The following PRPSAP2 variants were observed in gnomAD, a reference collection of about 807,000 sequenced individuals.
PRPSAP2 encodes phosphoribosyl pyrophosphate synthase-associated protein 2.
In PRPSAP2, 24 loss-of-function variants were observed where a neutral mutation model predicts 40.6. The ratio of observed to expected loss-of-function variants is 0.59; its 90% CI spans 0.43 to 0.83. The LOEUF is 0.83. Among genes scored for constraint, PRPSAP2 ranks in the 40% least tolerant of loss-of-function variants. The pLI is 0.00. For synonymous variants in PRPSAP2, 149 were observed against 164.7 expected, an observed-to-expected ratio of 0.90 and a Z score of 0.73; for missense variants, 292 against 465.6, an observed-to-expected ratio of 0.63 and a Z score of 3.43.
intron 9 of PRPSAP2, among the ~76,000 whole-genome samples, chr17:18,915,908 C>T (rs1033609924): frequency 1.3e-5 from 2 of 151,946 alleles, no homozygotes; most frequent in African/African-American, 4.8e-5. Flanking sequence ...CAAGCTCCAC[C>T]TCCTGGGTTC....
At chr17:18,877,060 G>A (rs920884734) in intron 5 of PRPSAP2, among the ~76,000 whole-genome samples, 1 of 152,164 alleles carries the variant, frequency 6.6e-6, no homozygotes, top group African/African-American at 2.4e-5. Context: ...GTGAGGCTGG[G>A]GAGAAGAGGA....
intron 10 of PRPSAP2, among the ~76,000 whole-genome samples, chr17:18,926,542 C>T (rs1206143522): frequency 1.3e-5 from 2 of 152,182 alleles, no homozygotes; most frequent in Admixed American, 1.3e-4. Context: ...GCTGGGATTA[C>T]AGGCGCAAGC....
At position 18,929,078 on chromosome 17, in the gene PRPSAP2, T is replaced by C. The variant is rs118057583; in HGVS notation, c.951+121T>C. 6.2e-4 allele frequency: 873 copies of C among 1,397,708 alleles called. 9 individuals are homozygous for C. In the East Asian group the frequency reaches 0.02, roughly 32 times the overall value. 86.6% of individuals were successfully genotyped at this position (1,397,708 alleles called of 1,614,324 possible). A position where few individuals can be genotyped will look rare whatever the true frequency, so the allele number is the denominator to read the frequency against. On this transcript the variant is annotated intron_variant, in intron 11 of 11. Coordinates refer to ENST00000268835, the MANE Select transcript of PRPSAP2 (RefSeq NM_002767.4). ...TGTGGCTGAGAAACGATTCAAGGGC[T>C]GGGTGCAGTGGTTCACGCCTGTAAT...
chr17:18,869,657 A>G lies in PRPSAP2; in HGVS notation c.172+2323A>G, dbSNP rs1473897229. Among the ~76,000 whole-genome samples the G allele has an allele frequency of 2.1e-5, 3 of 146,276 alleles. No individual in the cohort carries two copies. The East Asian group carries it at 6.1e-4, about 30-fold the overall frequency. On this transcript the variant is annotated intron_variant, in intron 4 of 11. Coordinates refer to ENST00000268835, the MANE Select transcript of PRPSAP2 (RefSeq NM_002767.4). Reference sequence around the variant, plus strand: ...TGCTGGGATTACAGGTGTGAGCTACACACACACACCCAGCCATAATTTTTT... The same window carrying G: ...TGCTGGGATTACAGGTGTGAGCTACGCACACACACCCAGCCATAATTTTTT...
chr17:18,925,423 C>T (rs1030708439), intron 10 of PRPSAP2, among the ~76,000 whole-genome samples: 3 of 152,078 alleles, frequency 2.0e-5, no homozygotes, highest in Non-Finnish European at 2.9e-5. Flanking sequence ...GCCTTTTTTT[C>T]TTGTCTTTGA....
At chr17:18,912,136 C>T (rs549372146) in intron 9 of PRPSAP2, among the ~76,000 whole-genome samples, 3 of 151,044 alleles carry the variant, frequency 2.0e-5, no homozygotes, top group South Asian at 4.2e-4. Context: ...GAGCCGAGAT[C>T]GCGCCATTGC....
chr17:18,908,425 G>A (rs1435887149), intron 8 of PRPSAP2: 6 of 758,050 alleles, frequency 7.9e-6, no homozygotes, highest in Admixed American at 3.6e-5. Context: ...AAATGCAGAC[G>A]AAACTGTTCT....
intron 9 of PRPSAP2, among the ~76,000 whole-genome samples, chr17:18,917,047 T>C (rs916337072): frequency 6.6e-6 from 1 of 152,084 alleles, no homozygotes; most frequent in African/African-American, 2.4e-5. Context: ...GTAGTTGGGT[T>C]GGGGTGGTAG....
At chr17:18,913,541 C>CTTTTTT (rs35697920) in intron 9 of PRPSAP2, among the ~76,000 whole-genome samples, 30 of 73,956 alleles carry the variant, frequency 4.1e-4, no homozygotes, top group African/African-American at 5.0e-4. Flanking sequence ...GCGTCTGGTT[C>CTTTTTT]TTTTTTTTTT....
intron 5 of PRPSAP2, among the ~76,000 whole-genome samples, chr17:18,877,358 T>C (rs2038374319): frequency 6.6e-6 from 1 of 152,080 alleles, no homozygotes; most frequent in African/African-American, 2.4e-5. Context: ...GAGAATTCCT[T>C]ACATAGGTGT....
intron 6 of PRPSAP2, among the ~76,000 whole-genome samples, chr17:18,880,033 T>A (rs910101351): frequency 1.4e-4 from 21 of 151,600 alleles, no homozygotes; most frequent in Non-Finnish European, 4.4e-5. Context: ...GAGGTGGAGG[T>A]TGTGGTGAAC....
intron 4 of PRPSAP2, among the ~76,000 whole-genome samples, chr17:18,869,861 T>TGTGTGTGTGTGTGTGTGA (rs1459315633): frequency 3.3e-5 from 5 of 150,988 alleles, no homozygotes; most frequent in African/African-American, 1.2e-4. Context: ...TGTGTGTGTG[T>TGTGTGTGTGTGTGTGTGA]GTGTGAGACA....
intron 10 of PRPSAP2, among the ~76,000 whole-genome samples, chr17:18,925,705 G>C (rs2041929879): frequency 6.6e-6 from 1 of 152,178 alleles, no homozygotes; most frequent in South Asian, 2.1e-4. Flanking sequence ...AACTTTACAA[G>C]GTGCTGCCAA....
At chr17:18,865,070 C>G (rs1205571012) in intron 1 of PRPSAP2, 1 of 152,372 alleles carries the variant, frequency 6.6e-6, no homozygotes, top group African/African-American at 2.4e-5. Flanking sequence ...TGGTCTTGAT[C>G]TCTTGATCTC....
intron 9 of PRPSAP2, among the ~76,000 whole-genome samples, chr17:18,914,280 CAG>C (rs2041164175): frequency 1.6e-5 from 1 of 63,898 alleles, no homozygotes; most frequent in Non-Finnish European, 2.7e-5. Context: ...TTTTTTGAGA[CAG>C]AGTCTTGATC....
chr17:18,886,274 C>G (rs189674137), intron 7 of PRPSAP2, among the ~76,000 whole-genome samples: 1 of 152,188 alleles, frequency 6.6e-6, no homozygotes, highest in Admixed American at 6.5e-5. Flanking sequence ...GTGTTTGTCA[C>G]TGGAATTTAA....
intron 9 of PRPSAP2, among the ~76,000 whole-genome samples, chr17:18,916,974 A>G (rs1258176037): frequency 6.6e-6 from 1 of 152,226 alleles, no homozygotes; most frequent in Non-Finnish European, 1.5e-5. Flanking sequence ...AGAGGACACC[A>G]TCTTCAGACC....
chr17:18,896,580 C>CCTTTT (rs2039917496), intron 8 of PRPSAP2, among the ~76,000 whole-genome samples: 2 of 104,758 alleles, frequency 1.9e-5, no homozygotes, highest in Admixed American at 1.2e-4. Flanking sequence ...CCAGATTTTC[C>CCTTTT]TTTTTTTTTT....
chr17:18,924,035 G>GTTGATTGA, intron 10 of PRPSAP2, 51 bp downstream of exon 10: 1 of 1,494,412 alleles, frequency 6.7e-7, no homozygotes, highest in Non-Finnish European at 9.3e-7. Context: ...TTGTTATTCT[G>GTTGATTGA]TTGATTGATT....
Sources: gnomAD v4.1 joint callset for allele counts (sites outside exome capture counted in the v4.1 genomes callset) on GRCh38, gnomAD v4.1.1 for gene constraint, MANE v1.5 for transcripts, NCBI Gene and HGNC (gene_info 2026-07-23, HGNC 2026-07-21) for gene names.